The following WDR91 variants were observed in gnomAD, a reference collection of about 807,000 sequenced individuals.
WDR91 encodes WD repeat domain 91.
Under a neutral mutation model 88.4 loss-of-function variants are expected in WDR91, and 52 were observed. The ratio of observed to expected loss-of-function variants is 0.59; its 90% CI spans 0.47 to 0.74. WDR91 has a LOEUF of 0.74. Ranked by LOEUF, WDR91 falls within the 30% of genes least tolerant of loss-of-function variation. The probability of loss-of-function intolerance (pLI) is 0.00; values close to 1 mark genes in which losing one functional copy is unlikely to be tolerated. For synonymous variants in WDR91, 362 were observed against 389.5 expected, an observed-to-expected ratio of 0.93 and a Z score of 0.83; for missense variants, 824 against 954.5, an observed-to-expected ratio of 0.86 and a Z score of 1.80.
intron 3 of WDR91, among the ~76,000 whole-genome samples, chr7:135,208,171 T>G (rs1831873534): frequency 6.6e-6 from 1 of 152,186 alleles, no homozygotes. Flanking sequence ...CTCCTCTAAA[T>G]TTCCAGCCTA....
intron 11 of WDR91, among the ~76,000 whole-genome samples, chr7:135,190,108 T>A (rs1378192397): frequency 6.6e-6 from 1 of 152,046 alleles, no homozygotes; most frequent in Non-Finnish European, 1.5e-5. Context: ...ACCAGTGCAC[T>A]CCAAAGCCGG....
At chr7:135,193,126 A>G in intron 11 of WDR91, 105 bp downstream of exon 11, 1 of 1,477,046 alleles carries the variant, frequency 6.8e-7, no homozygotes, top group East Asian at 2.3e-5. Flanking sequence ...CTTTATTAAA[A>G]ATCTGAGGAG....
intron 11 of WDR91, among the ~76,000 whole-genome samples, chr7:135,190,230 G>A (rs1298546022): frequency 3.9e-5 from 6 of 152,112 alleles, no homozygotes; most frequent in Non-Finnish European, 8.8e-5. Context: ...AAGGTCAGGC[G>A]ATAAGAAACC....
At chr7:135,188,395 T>A (rs763007493) in intron 13 of WDR91, 38 bp downstream of exon 13, 1 of 1,579,832 alleles carries the variant, frequency 6.3e-7, no homozygotes, top group Non-Finnish European at 8.7e-7. Context: ...CCACATGTCA[T>A]CCCGGTGCTC....
Position 135,196,473 on chromosome 7 carries a change from G to A in WDR91, c.1051-136C>T. ...ATTACAGAGTGGAGAGGAGAGCTCTGACCTGCGAGGGTAGTGCTCAGCTCA... is the reference window on the plus strand; with the variant it reads ...ATTACAGAGTGGAGAGGAGAGCTCTAACCTGCGAGGGTAGTGCTCAGCTCA... On this transcript the variant is annotated intron_variant, in intron 7 of 14. Coordinates refer to ENST00000354475, the MANE Select transcript of WDR91 (RefSeq NM_014149.4). This position sits in a 1 kb window ranked among gnomAD's most constrained non-coding sequence, Gnocchi z 4.2. 1 of 820,678 alleles carries A rather than the reference G, an allele frequency of 1.2e-6. No individual in the cohort carries two copies. Among genetic ancestry groups the A allele is most frequent in the Non-Finnish European group, 1.8e-6 (1 of 568,126 alleles). The allele number at this position is 820,678 out of a possible 1,614,324, so 50.8% of individuals were successfully genotyped here.
chr7:135,197,796 G>A (rs532487561), intron 7 of WDR91, 197 bp downstream of exon 7: 19 of 611,858 alleles, frequency 3.1e-5, no homozygotes, highest in African/African-American at 2.9e-4. Context: ...GGGAAATGCT[G>A]CATGGGAGAA....
intron 14 of WDR91, among the ~76,000 whole-genome samples, chr7:135,186,556 C>T (rs1444353198): frequency 1.3e-5 from 2 of 152,242 alleles, no homozygotes; most frequent in Non-Finnish European, 2.9e-5. Context: ...TTCTCAGCTG[C>T]CTTGAACTTG....
chr7:135,190,256 G>C (rs1307372715), intron 11 of WDR91, among the ~76,000 whole-genome samples: 1 of 152,258 alleles, frequency 6.6e-6, no homozygotes, highest in South Asian at 2.1e-4. Flanking sequence ...ATGGAGCTGA[G>C]ACTCCAAAGA....
chr7:135,198,459 C>T lies in WDR91; in HGVS notation c.892-308G>A, dbSNP rs1177947203. ...TCTAGTTGAGGGGAAGGAGCCAGCA[C>T]TTACTAAGTGATGACTAAGGCAGGC... is the stretch of plus-strand genomic sequence containing the variant. On this transcript the variant is annotated intron_variant, in intron 6 of 14. Coordinates refer to ENST00000354475, the MANE Select transcript of WDR91 (RefSeq NM_014149.4). 1.3e-5 allele frequency: 4 copies of T among 305,538 alleles called. No homozygotes were observed. The South Asian group carries it at 2.5e-4, about 19-fold the overall frequency. 18.9% of individuals were successfully genotyped at this position (305,538 alleles called of 1,614,324 possible). A position where few individuals can be genotyped will look rare whatever the true frequency, so the allele number is the denominator to read the frequency against.
chr7:135,208,343 G>A (rs185423208), intron 3 of WDR91, among the ~76,000 whole-genome samples: 10 of 152,322 alleles, frequency 6.6e-5, no homozygotes, highest in African/African-American at 2.2e-4. Context: ...GTTACTATTA[G>A]AGACAATAAC....
Position 135,185,991 on chromosome 7 carries a change from T to C in WDR91, c.*160A>G, listed in dbSNP as rs1410818695. On this transcript the variant is annotated 3_prime_UTR_variant, in exon 15 of 15. Coordinates refer to ENST00000354475, the MANE Select transcript of WDR91 (RefSeq NM_014149.4). ...CTACTCCACGTGGGTCCCATTCCAG[T>C]CACCACAGATGGAAGCACCTGAGCC... 1.3e-6 allele frequency: 1 copy of C among 783,116 alleles called. No individual in the cohort carries two copies. Among genetic ancestry groups the C allele is most frequent in the African/African-American group, 1.8e-5 (1 of 54,698 alleles). The allele number at this position is 783,116 out of a possible 1,614,324, so 48.5% of individuals were successfully genotyped here.
Position 135,183,940 on chromosome 7 carries a change from G to C in WDR91, c.*2211C>G, listed in dbSNP as rs1457598471. On this transcript the variant is annotated 3_prime_UTR_variant, in exon 15 of 15. Transcript: ENST00000354475. ...GTTCAAATTTTCTTTGTGTCTCTGT[G>C]ATCCTTAAAGCATCTCAGCAAGCTG... 2 of 152,130 alleles carry C rather than the reference G, an allele frequency of 1.3e-5. No homozygotes were observed. The highest frequency in any genetic ancestry group is 6.5e-5 in the Admixed American group (1 of 15,282). 9.4% of individuals were successfully genotyped at this position (152,130 alleles called of 1,614,324 possible).
At chr7:135,206,706 T>C (rs1257225127) in intron 4 of WDR91, among the ~76,000 whole-genome samples, 1 of 151,672 alleles carries the variant, frequency 6.6e-6, no homozygotes, top group Non-Finnish European at 1.5e-5. Context: ...ATAAACTATA[T>C]ATATGTGTGT....
At chr7:135,201,345 T>C (rs1831561968) in intron 6 of WDR91, 1 of 97,232 alleles carries the variant, frequency 1.0e-5, no homozygotes, top group Non-Finnish European at 2.1e-5. Flanking sequence ...GTTTCGCAGT[T>C]ATTTCCACTA....
intron 1 of WDR91, 67 bp downstream of exon 1, chr7:135,211,313 G>A (rs1832009493): frequency 1.9e-6 from 3 of 1,547,232 alleles, no homozygotes; most frequent in Admixed American, 1.9e-5. Context: ...AGGCAGTGCT[G>A]GGGGGAAGCC....
rs114455966 is a variant in WDR91, at chr7:135,186,590, G to A, written c.2080-275C>T. Among the ~76,000 whole-genome samples the A allele has an allele frequency of 2.7e-3, 405 of 152,346 alleles. 2 individuals carry two copies. Among genetic ancestry groups the A allele is most frequent in the African/African-American group, 8.9e-3 (370 of 41,590 alleles). Reference sequence around the variant, plus strand: ...TGCTGTGGGCTGGTGCCTCTTGCACGCACACTGGTTGTTCTCACTACAGCA... The same window carrying A: ...TGCTGTGGGCTGGTGCCTCTTGCACACACACTGGTTGTTCTCACTACAGCA... On this transcript the variant is annotated intron_variant, in intron 14 of 14. Transcript: ENST00000354475.
Position 135,193,676 on chromosome 7 carries a change from G to A in WDR91, c.1396-4C>T. On this transcript the variant is annotated splice_region_variant and splice_polypyrimidine_tract_variant and intron_variant, in intron 9 of 14. Coordinates refer to ENST00000354475, the MANE Select transcript of WDR91 (RefSeq NM_014149.4). Reference sequence around the variant, plus strand: ...CCACACCACTGCCCAGCAAGAGCTGGAATGACAAGGGGCGGGAGGTGGGAA... The same window carrying A: ...CCACACCACTGCCCAGCAAGAGCTGAAATGACAAGGGGCGGGAGGTGGGAA... The A allele has an allele frequency of 6.2e-7, 1 of 1,613,504 alleles. No homozygotes were observed. The highest frequency in any genetic ancestry group is 1.1e-5 in the South Asian group (1 of 90,960).
chr7:135,193,289 C>A lies in WDR91; in HGVS notation c.1601G>T (p.Gly534Val), dbSNP rs1383487031. 1 of 1,614,096 alleles carries A rather than the reference C, an allele frequency of 6.2e-7. No individual in the cohort carries two copies. The highest frequency in any genetic ancestry group is 8.5e-7 in the Non-Finnish European group (1 of 1,180,054). ...CAGCCTGCCAGGAACCTGGTTCATG[C>A]CCTTGCTGCCGATGTCTGGTGCTGA... ...DFSAPDIGSK[G>V]MNQVPGRLLL... is the part of the protein sequence containing the mutation. Residue 534 changes from glycine to valine, a missense_variant, in exon 11 of 15, where the codon GGC becomes GTC. Coordinates refer to ENST00000354475, the MANE Select transcript of WDR91 (RefSeq NM_014149.4).
At chr7:135,191,216 A>G (rs1173679155) in intron 11 of WDR91, among the ~76,000 whole-genome samples, 1 of 152,234 alleles carries the variant, frequency 6.6e-6, no homozygotes, top group Non-Finnish European at 1.5e-5. Context: ...AGAAAAACAC[A>G]TATACTGTGG....
Sources: allele counts gnomAD v4.1 joint callset (sites outside exome capture counted in the v4.1 genomes callset), GRCh38; gene constraint gnomAD v4.1.1; non-coding constraint Gnocchi (gnomAD v3.1); transcripts MANE v1.5; gene names NCBI Gene and HGNC (gene_info 2026-07-23, HGNC 2026-07-21).